Variants in PARD3B observed in about 807,000 individuals in gnomAD.
PARD3B encodes par-3 family cell polarity regulator beta.
A neutral mutation model predicts 130.2 loss-of-function variants in PARD3B; 103 were observed. That is an observed-to-expected ratio of 0.79 (90% confidence interval 0.67 to 0.93). PARD3B has a LOEUF of 0.93. Among genes scored for constraint, PARD3B ranks in the 40% least tolerant of loss-of-function variants. PARD3B has a pLI of 0.00. For missense variants in PARD3B, 1,609 were observed against 1,499.2 expected (o/e 1.07, Z -1.21); for synonymous variants, 583 against 553.2 (o/e 1.05, Z -0.76).
chr2:204,648,645 T>TA (rs2035362701), intron 1 of PARD3B, among the ~76,000 whole-genome samples: 3 of 116,626 alleles, frequency 2.6e-5, no homozygotes, highest in African/African-American at 1.0e-4. Flanking sequence ...ATATATATTA[T>TA]ATATATAATA....
intron 4 of PARD3B, among the ~76,000 whole-genome samples, chr2:205,054,404 TTATATATATATATA>T (rs1298451651): frequency 5.9e-5 from 2 of 33,832 alleles, no homozygotes; most frequent in African/African-American, 1.8e-4. Flanking sequence ...GACATGTCTT[TTATATATATATATA>T]TATATATATA....
chr2:204,983,207 T>A (rs1370502225), intron 3 of PARD3B, among the ~76,000 whole-genome samples: 2 of 152,190 alleles, frequency 1.3e-5, no homozygotes, highest in African/African-American at 4.8e-5. Flanking sequence ...CCTGATAATT[T>A]GCAGACATTA....
intron 18 of PARD3B, among the ~76,000 whole-genome samples, chr2:205,331,979 C>A (rs2043152196): frequency 6.6e-6 from 1 of 151,728 alleles, no homozygotes; most frequent in South Asian, 2.1e-4. Context: ...GTGGTGTGAG[C>A]CTGTAATCCC....
Position 205,553,327 on chromosome 2 carries a change from C to T in PARD3B, c.3184C>T (p.Pro1062Ser). The stretch of plus-strand genomic sequence containing the variant: ...CTAATTGCTTTTCTCTCCACAGGTG[C>T]CTGGAAGGGGTCCAGATGGGAATGC... ...RPSEYDLLWV[P>S]GRGPDGNAHN... Residue 1062 changes from proline to serine, a missense_variant, in exon 22 of 23, where the codon CCT becomes TCT. By Grantham distance (74) the Pro-to-Ser change is moderately conservative. Transcript: ENST00000406610. 2 of 1,613,668 alleles carry T rather than the reference C, an allele frequency of 1.2e-6. No individual in the cohort carries two copies. The highest frequency in any genetic ancestry group is 1.7e-6 in the Non-Finnish European group (2 of 1,179,666).
intron 22 of PARD3B, among the ~76,000 whole-genome samples, chr2:205,603,442 C>T (rs966407963): frequency 5.3e-5 from 8 of 152,212 alleles, no homozygotes; most frequent in African/African-American, 1.9e-4. Flanking sequence ...CTAATATTGA[C>T]AATGGGTTGT....
chr2:205,290,837 T>C (rs897046042), intron 16 of PARD3B, among the ~76,000 whole-genome samples: 1 of 152,122 alleles, frequency 6.6e-6, no homozygotes, highest in Non-Finnish European at 1.5e-5. Flanking sequence ...GGTTTAGTGC[T>C]CTTCTAAAAG....
chr2:204,551,681 A>G (rs1040081652), intron 1 of PARD3B, among the ~76,000 whole-genome samples: 1 of 152,126 alleles, frequency 6.6e-6, no homozygotes, highest in African/African-American at 2.4e-5. Flanking sequence ...CGCGATTGGG[A>G]GCCACAGCCC....
At chr2:205,452,782 A>G (rs531638719) in intron 20 of PARD3B, among the ~76,000 whole-genome samples, 1 of 152,142 alleles carries the variant, frequency 6.6e-6, no homozygotes, top group Non-Finnish European at 1.5e-5. Context: ...GATGTAGACA[A>G]TCTCCTCCTT....
chr2:204,579,366 C>T (rs2032430469), intron 1 of PARD3B, among the ~76,000 whole-genome samples: 1 of 151,926 alleles, frequency 6.6e-6, no homozygotes, highest in African/African-American at 2.4e-5. Context: ...GCAGCAGTCC[C>T]TTCTGGTTCA....
intron 16 of PARD3B, among the ~76,000 whole-genome samples, chr2:205,277,127 G>A (rs547547566): frequency 3.3e-5 from 5 of 152,318 alleles, no homozygotes; most frequent in South Asian, 2.1e-4. Context: ...GCCAGACAAC[G>A]AATAATCCTT....
chr2:205,267,476 C>T (rs978043321), intron 16 of PARD3B, among the ~76,000 whole-genome samples: 1 of 145,806 alleles, frequency 6.9e-6, no homozygotes, highest in East Asian at 2.0e-4. Flanking sequence ...GCAAGATCAG[C>T]GGGGCTGTAT....
At chr2:205,383,083 CATAGATAGATAGATAGATAGATAGATAG>C (rs59376156) in intron 18 of PARD3B, among the ~76,000 whole-genome samples, 14 of 78,576 alleles carry the variant, frequency 1.8e-4, no homozygotes, top group Admixed American at 1.2e-3. Context: ...GGAAAGTTTA[CATAGATAGATAGATAGATAGATAGATAG>C]ATAGATAGAT....
chr2:205,445,241 C>T (rs76164618), intron 20 of PARD3B, among the ~76,000 whole-genome samples: 301 of 152,290 alleles, frequency 2.0e-3, no homozygotes, highest in African/African-American at 7.2e-3. Context: ...GTCTTCTTTT[C>T]CCTACCCCAC....
chr2:204,657,516 T>A (rs970628757), intron 1 of PARD3B, among the ~76,000 whole-genome samples: 10 of 143,820 alleles, frequency 7.0e-5, no homozygotes, highest in East Asian at 2.0e-4. Context: ...AAAAAAAAAA[T>A]TTTTTTTTTG....
intron 15 of PARD3B, among the ~76,000 whole-genome samples, chr2:205,214,205 T>C (rs1241110032): frequency 6.6e-6 from 1 of 152,120 alleles, no homozygotes; most frequent in Non-Finnish European, 1.5e-5. Context: ...ATAAAAAAAT[T>C]TGTGTGCTTC....
At chr2:205,139,461 G>T (rs915566073) in intron 10 of PARD3B, among the ~76,000 whole-genome samples, 101 of 152,238 alleles carry the variant, frequency 6.6e-4, no homozygotes, top group African/African-American at 2.1e-3. Context: ...GAAACTGGGC[G>T]TATATTTTCA....
intron 3 of PARD3B, among the ~76,000 whole-genome samples, chr2:205,001,901 C>T (rs896630811): frequency 6.6e-6 from 1 of 151,952 alleles, no homozygotes; most frequent in Non-Finnish European, 1.5e-5. Context: ...ATGCTGTCAC[C>T]TAATATATCT....
intron 2 of PARD3B, among the ~76,000 whole-genome samples, chr2:204,746,609 T>C (rs1172070373): frequency 6.6e-6 from 1 of 152,146 alleles, no homozygotes; most frequent in African/African-American, 2.4e-5. Context: ...GGTGTAAAAG[T>C]GTTCCTATTT....
intron 19 of PARD3B, among the ~76,000 whole-genome samples, chr2:205,412,245 T>C (rs1468851225): frequency 6.6e-6 from 1 of 152,164 alleles, no homozygotes; most frequent in East Asian, 1.9e-4. Context: ...TGCCTTTTTC[T>C]GGTTTGTGTC....
Sources: gnomAD v4.1 joint callset for allele counts (sites outside exome capture counted in the v4.1 genomes callset) on GRCh38, gnomAD v4.1.1 for gene constraint, MANE v1.5 for transcripts, NCBI Gene and HGNC (gene_info 2026-07-23, HGNC 2026-07-21) for gene names.